The following ABHD3 variants were observed in gnomAD, a reference collection of about 807,000 sequenced individuals.
ABHD3 encodes the protein abhydrolase domain containing 3, phospholipase.
ABHD3 carries 46 observed loss-of-function variants against 48.8 expected under a neutral mutation model. The ratio of observed to expected loss-of-function variants is 0.94; its 90% CI spans 0.74 to 1.20. The LOEUF is 1.20. Among genes scored for constraint, ABHD3 ranks in the 50% most tolerant of loss-of-function variants. ABHD3 has a pLI of 0.00. For synonymous variants in ABHD3, 192 were observed against 183.7 expected (o/e 1.04, Z -0.36); for missense variants, 490 against 497.8 (o/e 0.98, Z 0.15).
At chr18:21,652,832 A>G (rs922692445) in intron 8 of ABHD3, among the ~76,000 whole-genome samples, 7 of 151,450 alleles carry the variant, frequency 4.6e-5, no homozygotes, top group Non-Finnish European at 5.9e-5. Flanking sequence ...AGGCAGGTGG[A>G]TGACCAGGTT....
chr18:21,667,194 C>G (rs1261499120), intron 4 of ABHD3, among the ~76,000 whole-genome samples: 1 of 150,650 alleles, frequency 6.6e-6, no homozygotes, highest in Non-Finnish European at 1.5e-5. Flanking sequence ...CTGCCTCAGC[C>G]TCCCATGTAG....
Position 21,651,447 on chromosome 18 carries a change from A to C in ABHD3, c.*144T>G. ...GCTACAAAGTTGTTTTGTTTCTCTA[A>C]AAAGTAGTTTTTGCATATCATTCTG... On this transcript the variant is annotated 3_prime_UTR_variant, in exon 9 of 9. Coordinates refer to ENST00000289119, the MANE Select transcript of ABHD3 (RefSeq NM_138340.5). 1.2e-6 allele frequency: 1 copy of C among 855,726 alleles called. No homozygotes were observed. The highest frequency in any genetic ancestry group is 1.7e-6 in the Non-Finnish European group (1 of 582,564). 53.0% of individuals were successfully genotyped at this position (855,726 alleles called of 1,614,324 possible).
chr18:21,692,544 G>A (rs1288303057), intron 3 of ABHD3, among the ~76,000 whole-genome samples: 1 of 152,090 alleles, frequency 6.6e-6, no homozygotes, highest in Non-Finnish European at 1.5e-5. Flanking sequence ...AGAATAGCAA[G>A]TTAATATTTA....
intron 3 of ABHD3, 76 bp from the exon 4 acceptor site, chr18:21,684,041 C>A: frequency 7.5e-7 from 1 of 1,329,090 alleles, no homozygotes; most frequent in South Asian, 1.4e-5. Flanking sequence ...AGTCATCTTA[C>A]TGACACTGAT....
At chr18:21,664,087 C>T (rs1205193872) in intron 5 of ABHD3, 31 bp downstream of exon 5, 1 of 1,590,340 alleles carries the variant, frequency 6.3e-7, no homozygotes, top group African/African-American at 1.4e-5. Flanking sequence ...GCTTCCCTCT[C>T]AGAGATTATT....
chr18:21,676,539 C>T (rs1362390077), intron 4 of ABHD3, among the ~76,000 whole-genome samples: 2 of 152,124 alleles, frequency 1.3e-5, no homozygotes, highest in Non-Finnish European at 2.9e-5. Context: ...TACAGGCATG[C>T]GCCACCACAC....
chr18:21,665,258 T>C (rs946510720), intron 4 of ABHD3, among the ~76,000 whole-genome samples: 2 of 151,978 alleles, frequency 1.3e-5, no homozygotes, highest in African/African-American at 4.8e-5. Context: ...AAAAATTTTT[T>C]TGAGACATGG....
chr18:21,701,204 CTTCT>C (rs2040505329), intron 3 of ABHD3: 1 of 149,680 alleles, frequency 6.7e-6, no homozygotes, highest in Non-Finnish European at 1.5e-5. Flanking sequence ...TCAAAATGTT[CTTCT>C]TTCCTTTTTT....
chr18:21,659,193 G>C lies in ABHD3; in HGVS notation c.819C>G (p.Thr273=). ...ACTTATTAACTGAAGACTGAAGGCAGGTTGTCAAATAGTAATTAAAAAGTA... is the reference window on the plus strand; with the variant it reads ...ACTTATTAACTGAAGACTGAAGGCACGTTGTCAAATAGTAATTAAAAAGTA... ...NWLLFNYYLT[T]CLQSSVNKHR... The change falls in exon 6 of 9, where the codon ACC becomes ACG. Residue 273 remains threonine, a synonymous_variant. Coordinates refer to ENST00000289119, the MANE Select transcript of ABHD3 (RefSeq NM_138340.5). The C allele has an allele frequency of 6.2e-7, 1 of 1,613,524 alleles. No homozygotes were observed. The highest frequency in any genetic ancestry group is 8.5e-7 in the Non-Finnish European group (1 of 1,179,854).
chr18:21,693,855 T>G (rs1031746168), intron 3 of ABHD3, among the ~76,000 whole-genome samples: 1 of 152,226 alleles, frequency 6.6e-6, no homozygotes, highest in African/African-American at 2.4e-5. Flanking sequence ...TCTAAGACAT[T>G]GCTTTTAGAT....
intron 8 of ABHD3, among the ~76,000 whole-genome samples, chr18:21,653,173 C>A (rs980186481): frequency 1.4e-5 from 2 of 143,532 alleles, no homozygotes; most frequent in African/African-American, 5.2e-5. Flanking sequence ...AACGGCCTGG[C>A]CAACATGGTG....
chr18:21,667,732 T>C (rs2039666856), intron 4 of ABHD3, among the ~76,000 whole-genome samples: 1 of 152,120 alleles, frequency 6.6e-6, no homozygotes, highest in Non-Finnish European at 1.5e-5. Flanking sequence ...AAGATCCCAG[T>C]GTATCTATTT....
intron 3 of ABHD3, 73 bp downstream of exon 3, chr18:21,702,243 A>G: frequency 7.7e-7 from 1 of 1,306,366 alleles, no homozygotes. Context: ...GTATTTCTGA[A>G]ACAAACATGT....
At chr18:21,658,777 T>C (rs2039413699) in intron 6 of ABHD3, among the ~76,000 whole-genome samples, 2 of 152,190 alleles carry the variant, frequency 1.3e-5, no homozygotes, top group Admixed American at 6.5e-5. Context: ...TATACATATA[T>C]TGGTAGTATT....
chr18:21,680,045 G>A (rs768576559), intron 4 of ABHD3, among the ~76,000 whole-genome samples: 75 of 152,080 alleles, frequency 4.9e-4, no homozygotes, highest in Non-Finnish European at 6.2e-4. Flanking sequence ...ATGGAGTCTT[G>A]CTCTGTCGTC....
At chr18:21,670,063 A>T (rs1387389960) in intron 4 of ABHD3, among the ~76,000 whole-genome samples, 3 of 152,180 alleles carry the variant, frequency 2.0e-5, no homozygotes, top group Non-Finnish European at 4.4e-5. Context: ...ACTGTTGAAC[A>T]AGGCTTACAA....
At chr18:21,697,824 G>C (rs1321275150) in intron 3 of ABHD3, among the ~76,000 whole-genome samples, 1 of 152,174 alleles carries the variant, frequency 6.6e-6, no homozygotes, top group Non-Finnish European at 1.5e-5. Flanking sequence ...TTTTCAGGTA[G>C]AGGGGAAAAA....
intron 4 of ABHD3, 147 bp downstream of exon 4, chr18:21,683,772 CT>C (rs2040061975): frequency 2.6e-5 from 19 of 734,346 alleles, no homozygotes; most frequent in South Asian, 1.2e-4. Context: ...TGTAAATTTC[CT>C]TTTTTTCCAT....
chr18:21,654,325 C>T (rs558100645), intron 8 of ABHD3, among the ~76,000 whole-genome samples: 3 of 152,168 alleles, frequency 2.0e-5, no homozygotes, highest in African/African-American at 7.2e-5. Flanking sequence ...TCTACCTCAC[C>T]CCCTTGTAAG....
Sources: gnomAD v4.1 joint callset for allele counts (sites outside exome capture counted in the v4.1 genomes callset) on GRCh38, gnomAD v4.1.1 for gene constraint, MANE v1.5 for transcripts, NCBI Gene and HGNC (gene_info 2026-07-23, HGNC 2026-07-21) for gene names.